The following ZNF841 variants were observed in gnomAD, a reference collection of about 807,000 sequenced individuals.
ZNF841 encodes the protein zinc finger protein 841.
In ZNF841, 11 loss-of-function variants were observed where a neutral mutation model predicts 13.0. The observed-to-expected ratio is 0.85, with a 90% CI of 0.53 to 1.40. The LOEUF is 1.40. Among genes scored for constraint, ZNF841 ranks in the 40% most tolerant of loss-of-function variants. The pLI, the probability that ZNF841 is intolerant of heterozygous loss-of-function variation, is 0.00. For synonymous variants in ZNF841, 369 were observed against 381.6 expected, an observed-to-expected ratio of 0.97 and a Z score of 0.38; for missense variants, 1,068 against 1,139.5, an observed-to-expected ratio of 0.94 and a Z score of 0.90.
At position 52,065,701 on chromosome 19, in the gene ZNF841, A is replaced by G; in HGVS notation, c.2181T>C (p.His727=). The change falls in exon 7 of 7, where the codon CAT becomes CAC. Residue 727 remains histidine (H), a synonymous_variant. Transcript: ENST00000594440. The part of the protein sequence containing the change: ...TFSHKTSLVY[H]QRRHTGEMPY... Reference sequence around the variant, plus strand: ...GCATCTCTCCAGTATGTCTTCTCTGATGGTACACCAGACTTGTTTTATGAC... The same window carrying G: ...GCATCTCTCCAGTATGTCTTCTCTGGTGGTACACCAGACTTGTTTTATGAC... 6.2e-7 allele frequency: 1 copy of G among 1,603,208 alleles called. No homozygotes were observed. Among genetic ancestry groups the G allele is most frequent in the Non-Finnish European group, 8.5e-7 (1 of 1,174,226 alleles).
At chr19:52,072,724 C>A (rs935969895) in intron 6 of ZNF841, among the ~76,000 whole-genome samples, 1 of 152,100 alleles carries the variant, frequency 6.6e-6, no homozygotes, top group Non-Finnish European at 1.5e-5. Context: ...GAGGCTGAGG[C>A]AGGAGAATCG....
rs751761481 is a variant in ZNF841 at position 52,065,952 on chromosome 19, G to A, written c.1930C>T (p.Arg644Trp). 1.6e-5 allele frequency: 26 copies of A among 1,613,920 alleles called. No individual in the cohort carries two copies. Among genetic ancestry groups the A allele is most frequent in the African/African-American group, 2.7e-5 (2 of 74,854 alleles). Residue 644 changes from arginine to tryptophan, a missense_variant, in exon 7 of 7, where the codon CGG becomes TGG. Physicochemically the swap from Arg to Trp is moderately radical, Grantham distance 101. Transcript: ENST00000594440. ...FSYYSCLARH[R>W]KIHTGEKPYK... ...GGTTTCTCTCCGGTATGAATTTTCC[G>A]ATGACGTGCTAGGCATGAGTAGTAA...
chr19:52,084,685 T>G (rs372824507), intron 4 of ZNF841, 102 bp downstream of exon 4: 29 of 1,319,726 alleles, frequency 2.2e-5, no homozygotes, highest in East Asian at 1.9e-4. Context: ...CGAGCAAATG[T>G]GTCAGGCAGG....
At chr19:52,061,132 G>A (rs969911706), downstream of ZNF841, among the ~76,000 whole-genome samples, 2 of 152,084 alleles carry the variant, frequency 1.3e-5, no homozygotes, top group African/African-American at 4.8e-5. Flanking sequence ...TAAAATTTGG[G>A]TCACCTAATG....
chr19:52,062,914 C>T (rs182834132), downstream of ZNF841, among the ~76,000 whole-genome samples: 13 of 136,862 alleles, frequency 9.5e-5, no homozygotes, highest in East Asian at 2.3e-3. Flanking sequence ...CTTGCTCTGT[C>T]GCCCAGGCTG....
At chr19:52,095,326 G>A (rs779609398) in intron 1 of ZNF841, among the ~76,000 whole-genome samples, 4 of 152,180 alleles carry the variant, frequency 2.6e-5, no homozygotes, top group Non-Finnish European at 5.9e-5. Flanking sequence ...AGGAGAAGCG[G>A]CTCCTTCAGG....
At chr19:52,060,531 T>C (rs12151130), downstream of ZNF841, among the ~76,000 whole-genome samples, 68,555 of 151,776 alleles carry the variant, frequency 0.45, 17,957 homozygotes, top group African/African-American at 0.71. Flanking sequence ...TCCTTTTTTT[T>C]TTTTTCTGAG....
At chr19:52,077,124 G>A in intron 4 of ZNF841, 40 bp from the exon 5 acceptor site, 1 of 1,560,600 alleles carries the variant, frequency 6.4e-7, no homozygotes, top group Non-Finnish European at 8.7e-7. Context: ...CAGTGGGTGA[G>A]CTCTTATCTT....
rs2088313242 is a variant in ZNF841 at position 52,087,480 on chromosome 19, TC to T, written c.-78+1456del. On this transcript the variant is annotated intron_variant, in intron 3 of 6. Transcript: ENST00000594440. Reference sequence around the variant, plus strand: ...GAACATGCAGTATTTGGTTTTCTGTTCCCGTGTTAGTTTGCTAAGGATAATG... The same window carrying T: ...GAACATGCAGTATTTGGTTTTCTGTTCCGTGTTAGTTTGCTAAGGATAATG... 2.6e-5 allele frequency among the ~76,000 whole-genome samples: 4 copies of T among 152,212 alleles called. No homozygotes were observed. In the South Asian group the frequency reaches 8.3e-4, roughly 32 times the overall value.
downstream of ZNF841, among the ~76,000 whole-genome samples, chr19:52,060,132 T>C (rs2087373451): frequency 6.6e-6 from 1 of 152,204 alleles, no homozygotes; most frequent in East Asian, 1.9e-4. Context: ...TTCATTCTTT[T>C]GATGCTGCAT....
At chr19:52,089,544 G>A (rs1204534975) in intron 2 of ZNF841, among the ~76,000 whole-genome samples, 3 of 152,084 alleles carry the variant, frequency 2.0e-5, no homozygotes, top group Non-Finnish European at 4.4e-5. Context: ...CTACTCGGGA[G>A]GCTGAGGTGA....
chr19:52,076,172 C>T lies in ZNF841; in HGVS notation c.143G>A (p.Gly48Glu). Reference sequence around the variant, plus strand: ...AATATTCAGGTCAGGAAGACAGAGTCCTGCTTATAAAAAAAGAAAGAAGAT... The same window carrying T: ...AATATTCAGGTCAGGAAGACAGAGTTCTGCTTATAAAAAAAGAAAGAAGAT... ...LENYRNLGFL[G>E]LCLPDLNIIS... The change falls in exon 6 of 7, where the codon GGA (glycine) becomes GAA (glutamate). Residue 48 changes from glycine (G) to glutamate (E), a missense_variant and splice_region_variant. By Grantham distance (98) the Gly-to-Glu change is moderately conservative (BLOSUM62 -2). Transcript: ENST00000594440. 2 of 1,551,494 alleles carry T rather than the reference C, an allele frequency of 1.3e-6. No homozygotes were observed. Among genetic ancestry groups the T allele is most frequent in the East Asian group, 2.4e-5 (1 of 41,050 alleles).
chr19:52,089,360 G>A (rs73578839), intron 2 of ZNF841, among the ~76,000 whole-genome samples: 2,571 of 152,202 alleles, frequency 0.017, 71 homozygotes, highest in African/African-American at 0.059. Context: ...AATCATTAAT[G>A]AGCCAGGCAT....
intron 4 of ZNF841, among the ~76,000 whole-genome samples, chr19:52,081,281 G>T (rs1010634491): frequency 6.6e-6 from 1 of 151,936 alleles, no homozygotes; most frequent in African/African-American, 2.4e-5. Flanking sequence ...ATAATGACAA[G>T]AAAAAAAGGA....
intron 6 of ZNF841, among the ~76,000 whole-genome samples, chr19:52,068,299 G>C (rs2087643170): frequency 6.6e-6 from 1 of 152,120 alleles, no homozygotes; most frequent in South Asian, 2.1e-4. Flanking sequence ...GATCTTGTCT[G>C]ATCTCAGAAA....
In ZNF841 at chr19:52,076,759, A is replaced by G. The variant is rs1049057914; in HGVS notation, c.142+199T>C. 35 of 522,058 alleles carry G rather than the reference A, an allele frequency of 6.7e-5. No individual in the cohort carries two copies. In the Middle Eastern group the frequency reaches 1.7e-3, roughly 26 times the overall value. 32.3% of individuals were successfully genotyped at this position (522,058 alleles called of 1,614,324 possible). A position where few individuals can be genotyped will look rare whatever the true frequency, so the allele number is the denominator to read the frequency against. On this transcript the variant is annotated intron_variant, in intron 5 of 6. Transcript: ENST00000594440. ...GTACCTCAGCTCTGGAGTCACCACT[A>G]ATGTACAAAGAAGGAAGCAGAATAT...
rs1259891154 is a variant in ZNF841 at position 52,066,545 on chromosome 19, C to G, written c.1337G>C (p.Arg446Thr). 3 of 1,613,220 alleles carry G rather than the reference C, an allele frequency of 1.9e-6. No individual in the cohort carries two copies. Among genetic ancestry groups the G allele is most frequent in the Non-Finnish European group, 2.5e-6 (3 of 1,179,696 alleles). Residue 446 changes from arginine to threonine, a missense_variant, in exon 7 of 7, where the codon AGG (arginine) becomes ACG (threonine). Arg to Thr is a moderately conservative substitution (Grantham distance 71). Transcript: ENST00000594440. ...CTCTCCAGTATGAATTATCTGGTGCCTTACAAGTTGTGAATTCTGATAAAA... is the reference window on the plus strand; with the variant it reads ...CTCTCCAGTATGAATTATCTGGTGCGTTACAAGTTGTGAATTCTGATAAAA... The part of the protein sequence containing the change: ...KVFYQNSQLV[R>T]HQIIHTGETP...
chr19:52,090,175 G>A (rs1039920858), intron 2 of ZNF841, among the ~76,000 whole-genome samples: 3 of 152,272 alleles, frequency 2.0e-5, no homozygotes, highest in African/African-American at 7.2e-5. Flanking sequence ...AGTCCTATTT[G>A]TAATAGCATC....
chr19:52,088,874 G>A (rs898433719), intron 3 of ZNF841, 63 bp downstream of exon 3: 1 of 152,206 alleles, frequency 6.6e-6, no homozygotes, highest in African/African-American at 2.4e-5. Flanking sequence ...TGCTGGAAGT[G>A]CTCCCAAGAA....
Sources: allele counts gnomAD v4.1 joint callset (sites outside exome capture counted in the v4.1 genomes callset), GRCh38; gene constraint gnomAD v4.1.1; transcripts MANE v1.5; gene names NCBI Gene and HGNC (gene_info 2026-07-23, HGNC 2026-07-21).